Variants in OR10K1 observed in about 807,000 individuals in gnomAD.
OR10K1 encodes olfactory receptor 10K1.
For missense variants in OR10K1, 404 were observed against 373.3 expected (o/e 1.08, Z -0.68); for synonymous variants, 186 against 152.5 (o/e 1.22, Z -1.62).
chr1:158,467,049 G>C lies in OR10K1; in HGVS notation c.*546G>C, dbSNP rs1158301465. The C allele has an allele frequency of 2.0e-5, 3 of 152,652 alleles. No individual in the cohort carries two copies. The highest frequency in any genetic ancestry group is 7.3e-5 in the African/African-American group (3 of 41,274). The allele number at this position is 152,652 out of a possible 1,614,324, so 9.5% of individuals were successfully genotyped here. On this transcript the variant is annotated 3_prime_UTR_variant, in exon 2 of 2. Transcript: ENST00000641535. ...ATTGAAATATCTTGGCCTTTACTTG[G>C]GGTTGTTTTGTTCTTCCTTTGTTTG...
chr1:158,464,290 G>A (rs1483451852), intron 1 of OR10K1, among the ~76,000 whole-genome samples: 1 of 152,140 alleles, frequency 6.6e-6, no homozygotes, highest in African/African-American at 2.4e-5. Context: ...GATGATTTTA[G>A]AAATAATTTG....
At chr1:158,465,067 T>C (rs541910338) in intron 1 of OR10K1, among the ~76,000 whole-genome samples, 23 of 152,362 alleles carry the variant, frequency 1.5e-4, no homozygotes, top group East Asian at 7.7e-4. Flanking sequence ...TGTGCTCACA[T>C]CTTTACTTAG....
At position 158,463,069 on chromosome 1, in the gene OR10K1, G is replaced by A. The variant is rs117310026; in HGVS notation, c.-157+1165G>A. 1.2e-4 allele frequency among the ~76,000 whole-genome samples: 18 copies of A among 152,036 alleles called. No individual in the cohort carries two copies. The East Asian group carries it at 2.5e-3, about 21-fold the overall frequency. ...ATGTTCAGGGATCCTCTGCTTCAGT[G>A]CCTTCCACATATCCCAACAGTTTAT... On this transcript the variant is annotated intron_variant, in intron 1 of 1. Transcript: ENST00000641535.
chr1:158,466,551 G>T lies in OR10K1; in HGVS notation c.*48G>T. 1 of 1,156,762 alleles carries T rather than the reference G, an allele frequency of 8.6e-7. No homozygotes were observed. The highest frequency in any genetic ancestry group is 1.3e-6 in the Non-Finnish European group (1 of 792,816). 71.7% of individuals were successfully genotyped at this position (1,156,762 alleles called of 1,614,324 possible). A position where few individuals can be genotyped will look rare whatever the true frequency, so the allele number is the denominator to read the frequency against. On this transcript the variant is annotated 3_prime_UTR_variant, in exon 2 of 2. Coordinates refer to ENST00000641535, the MANE Select transcript of OR10K1 (RefSeq NM_001004473.2). ...ATGCCTAGTACATGCCAGGCAGAAC[G>T]TGTGTTTTATACATTTTTTTTCATT... is the stretch of plus-strand genomic sequence containing the variant.
At chr1:158,464,594 A>C (rs777803667) in intron 1 of OR10K1, among the ~76,000 whole-genome samples, 1 of 152,148 alleles carries the variant, frequency 6.6e-6, no homozygotes, top group Non-Finnish European at 1.5e-5. Flanking sequence ...TCTCTTCCTG[A>C]AAGAAGAATT....
intron 1 of OR10K1, among the ~76,000 whole-genome samples, chr1:158,462,916 G>A (rs902339728): frequency 1.3e-5 from 2 of 152,048 alleles, no homozygotes; most frequent in East Asian, 1.9e-4. Flanking sequence ...CTATTCATAC[G>A]TTCTAAAATA....
rs1410714685 is a variant in OR10K1 at position 158,465,511 on chromosome 1, G to T, written c.-51G>T. 4.9e-6 allele frequency: 7 copies of T among 1,422,698 alleles called. No homozygotes were observed. The highest frequency in any genetic ancestry group is 5.8e-6 in the Non-Finnish European group (6 of 1,027,808). 88.1% of individuals were successfully genotyped at this position (1,422,698 alleles called of 1,614,324 possible). ...CCGTACATTTCCACTCTCCTTTCTG[G>T]ATCCTGGTTTCTACCTCTGTCCCTG... On this transcript the variant is annotated 5_prime_UTR_variant, in exon 2 of 2. Coordinates refer to ENST00000641535, the MANE Select transcript of OR10K1 (RefSeq NM_001004473.2).
intron 1 of OR10K1, among the ~76,000 whole-genome samples, chr1:158,462,503 T>A (rs962785125): frequency 1.3e-5 from 2 of 152,080 alleles, no homozygotes; most frequent in Non-Finnish European, 2.9e-5. Flanking sequence ...TTGTCTCTCA[T>A]CTCTCACTCT....
rs746801012 is a variant in OR10K1, at chr1:158,465,828, G to T, written c.267G>T (p.Lys89Asn). The change falls in exon 2 of 2, where the codon AAG becomes AAT. Residue 89 changes from lysine (K) to asparagine (N), a missense_variant. Transcript: ENST00000641535. ...PKMLVDLLSQ[K>N]KTISFLGCAI... ...TGCTGGTTGACCTGCTGTCCCAGAA[G>T]AAGACCATTTCTTTCCTGGGCTGTG... is the stretch of plus-strand genomic sequence containing the variant. 8.1e-6 allele frequency: 13 copies of T among 1,614,088 alleles called. No homozygotes were observed. Among genetic ancestry groups the T allele is most frequent in the Non-Finnish European group, 1.0e-5 (12 of 1,180,048 alleles).
intron 1 of OR10K1, among the ~76,000 whole-genome samples, chr1:158,465,108 T>G (rs1313657795): frequency 6.6e-6 from 1 of 152,252 alleles, no homozygotes; most frequent in African/African-American, 2.4e-5. Flanking sequence ...TCCTTTCTCA[T>G]TTCATGGTTG....
In OR10K1 at chr1:158,466,173, A is replaced by G; in HGVS notation, c.612A>G (p.Val204=). The G allele has an allele frequency of 6.2e-7, 1 of 1,614,000 alleles. No homozygotes were observed. The highest frequency in any genetic ancestry group is 8.5e-7 in the Non-Finnish European group (1 of 1,180,008). ...FSQLVIFMLG[V]FALVIPLLLI... The stretch of plus-strand genomic sequence containing the variant: ...AGCTGGTCATATTCATGCTTGGTGT[A>G]TTTGCCTTGGTCATTCCTCTGCTAC... Residue 204 remains valine, a synonymous_variant, in exon 2 of 2, where the codon GTA becomes GTG. Transcript: ENST00000641535.
At chr1:158,465,165 TC>T (rs1173112189) in intron 1 of OR10K1, among the ~76,000 whole-genome samples, 3 of 152,222 alleles carry the variant, frequency 2.0e-5, no homozygotes, top group Non-Finnish European at 4.4e-5. Context: ...ATTCATTCTT[TC>T]GTTCTATATT....
chr1:158,467,326 C>G lies in OR10K1; in HGVS notation c.*823C>G, dbSNP rs997149342. 6.6e-6 allele frequency: 1 copy of G among 152,050 alleles called. No individual in the cohort carries two copies. The highest frequency in any genetic ancestry group is 1.5e-5 in the Non-Finnish European group (1 of 68,002). 9.4% of individuals were successfully genotyped at this position (152,050 alleles called of 1,614,324 possible). A position where few individuals can be genotyped will look rare whatever the true frequency, so the allele number is the denominator to read the frequency against. On this transcript the variant is annotated 3_prime_UTR_variant, in exon 2 of 2. Coordinates refer to ENST00000641535, the MANE Select transcript of OR10K1 (RefSeq NM_001004473.2). ...AAAACCCTCCAGTGACTCCCTTTGC[C>G]CTACAAGATAATGCCAAGGGTCCTT... is the stretch of plus-strand genomic sequence containing the variant.
At chr1:158,465,170 C>T (rs541906377) in intron 1 of OR10K1, among the ~76,000 whole-genome samples, 19 of 152,274 alleles carry the variant, frequency 1.2e-4, no homozygotes, top group Non-Finnish European at 2.6e-4. Context: ...TTCTTTCGTT[C>T]TATATTCTGA....
At position 158,466,572 on chromosome 1, in the gene OR10K1, TC is replaced by T; in HGVS notation, c.*70del. On this transcript the variant is annotated 3_prime_UTR_variant, in exon 2 of 2. Transcript: ENST00000641535. ...GAACGTGTGTTTTATACATTTTTTTTCATTTAATTGTCCAGCTCCACTGTAA... is the reference window on the plus strand; with the variant it reads ...GAACGTGTGTTTTATACATTTTTTTTATTTAATTGTCCAGCTCCACTGTAA... 1.2e-6 allele frequency: 1 copy of T among 848,138 alleles called. No homozygotes were observed. Among genetic ancestry groups the T allele is most frequent in the East Asian group, 2.5e-5 (1 of 39,754 alleles). The allele number at this position is 848,138 out of a possible 1,614,324, so 52.5% of individuals were successfully genotyped here. A position where few individuals can be genotyped will look rare whatever the true frequency, so the allele number is the denominator to read the frequency against.
chr1:158,466,144 A>G lies in OR10K1; in HGVS notation c.583A>G (p.Ser195Gly). 1 of 1,613,962 alleles carries G rather than the reference A, an allele frequency of 6.2e-7. No individual in the cohort carries two copies. Among genetic ancestry groups the G allele is most frequent in the Non-Finnish European group, 8.5e-7 (1 of 1,179,906 alleles). Reference sequence around the variant, plus strand: ...ACTGGCATCTCAGCACTCCGGCTTCAGTCAGCTGGTCATATTCATGCTTGG... The same window carrying G: ...ACTGGCATCTCAGCACTCCGGCTTCGGTCAGCTGGTCATATTCATGCTTGG... ...LKLASQHSGF[S>G]QLVIFMLGVF... is the part of the protein sequence containing the mutation. Residue 195 changes from serine to glycine, a missense_variant, in exon 2 of 2, where the codon AGT becomes GGT. By Grantham distance (56) the Ser-to-Gly change is moderately conservative (BLOSUM62 0). Transcript: ENST00000641535.
Position 158,465,548 on chromosome 1 carries a change from T to C in OR10K1, c.-14T>C. On this transcript the variant is annotated 5_prime_UTR_variant, in exon 2 of 2. It removes the in-frame stop codon of an upstream open reading frame in the 5' UTR. Coordinates refer to ENST00000641535, the MANE Select transcript of OR10K1 (RefSeq NM_001004473.2). ...TACCTCTGTCCCTGACTCTCCTTTA[T>C]AGAAGTGCTCTCCATGGAGCAAGTC... 1.9e-6 allele frequency: 3 copies of C among 1,606,530 alleles called. No homozygotes were observed. Among genetic ancestry groups the C allele is most frequent in the Non-Finnish European group, 1.7e-6 (2 of 1,174,132 alleles).
intron 1 of OR10K1, among the ~76,000 whole-genome samples, chr1:158,464,489 T>C (rs1655991424): frequency 6.6e-6 from 1 of 152,146 alleles, no homozygotes; most frequent in Admixed American, 6.6e-5. Flanking sequence ...CTCTTATTTC[T>C]CTGAGTTTCT....
chr1:158,464,727 C>A (rs183439663), intron 1 of OR10K1, among the ~76,000 whole-genome samples: 168 of 152,280 alleles, frequency 1.1e-3, no homozygotes, highest in African/African-American at 3.9e-3. Flanking sequence ...TGGCTCACTG[C>A]AACCTCCGCC....
Sources: gnomAD v4.1 joint callset for allele counts (sites outside exome capture counted in the v4.1 genomes callset) on GRCh38, gnomAD v4.1.1 for gene constraint, MANE v1.5 for transcripts, NCBI Gene and HGNC (gene_info 2026-07-23, HGNC 2026-07-21) for gene names.